ABCB1: variants seen among roughly 807,000 people sequenced by gnomAD.
The protein encoded by ABCB1 is ATP binding cassette subfamily B member 1.
Under a neutral mutation model 142.0 loss-of-function variants are expected in ABCB1, and 69 were observed. The ratio of observed to expected loss-of-function variants is 0.49; its 90% CI spans 0.40 to 0.59. The LOEUF is 0.59. ABCB1 is among the 20% of genes least tolerant of loss of function. The pLI is 0.00. For missense variants in ABCB1, 1,326 were observed against 1,554.7 expected (o/e 0.85, Z 2.47); for synonymous variants, 532 against 539.2 (o/e 0.99, Z 0.18).
intron 1 of ABCB1, among the ~76,000 whole-genome samples, chr7:87,674,060 C>T (rs868364535): frequency 1.3e-5 from 2 of 152,116 alleles, no homozygotes; most frequent in African/African-American, 4.8e-5. Flanking sequence ...TCTGGCCCCT[C>T]AAGGTTAGGA....
intron 1 of ABCB1, among the ~76,000 whole-genome samples, chr7:87,638,299 T>G (rs1439395020): frequency 6.6e-6 from 1 of 152,024 alleles, no homozygotes; most frequent in Non-Finnish European, 1.5e-5. Flanking sequence ...TCTGGTTTTG[T>G]CATTAAGATT....
At chr7:87,520,647 C>T (rs1276571885) in intron 22 of ABCB1, 129 bp downstream of exon 22, 21 of 795,996 alleles carry the variant, frequency 2.6e-5, no homozygotes, top group Non-Finnish European at 3.9e-5. Flanking sequence ...ACAACTGTTT[C>T]TCAATGGTTT....
intron 1 of ABCB1, among the ~76,000 whole-genome samples, chr7:87,625,931 G>A (rs1820406413): frequency 6.7e-6 from 1 of 149,790 alleles, no homozygotes; most frequent in African/African-American, 2.5e-5. Context: ...TAGCACATTA[G>A]TTAAGACTGA....
At chr7:87,669,646 C>A (rs961009691) in intron 1 of ABCB1, among the ~76,000 whole-genome samples, 1 of 152,284 alleles carries the variant, frequency 6.6e-6, no homozygotes, top group Middle Eastern at 3.4e-3. Context: ...CTTTCAAAAT[C>A]TCTTGTAAGG....
chr7:87,532,945 C>G (rs1165479605), intron 20 of ABCB1, among the ~76,000 whole-genome samples: 1 of 152,042 alleles, frequency 6.6e-6, no homozygotes, highest in Non-Finnish European at 1.5e-5. Context: ...ATATAAACAC[C>G]AGACTAGTAT....
intron 1 of ABCB1, chr7:87,650,806 A>T: frequency 6.6e-7 from 1 of 1,506,234 alleles, no homozygotes; most frequent in Non-Finnish European, 9.2e-7. Flanking sequence ...AAGCAACAAT[A>T]ATCTTTTTTT....
chr7:87,539,246 G>C (rs1349146960), intron 19 of ABCB1, 22 bp downstream of exon 19: 2 of 1,611,728 alleles, frequency 1.2e-6, no homozygotes, highest in East Asian at 4.5e-5. Flanking sequence ...ACATCCCAGG[G>C]CACAGCCCTC....
chr7:87,627,350 G>A (rs1820727465), intron 1 of ABCB1, among the ~76,000 whole-genome samples: 1 of 152,186 alleles, frequency 6.6e-6, no homozygotes, highest in Admixed American at 6.5e-5. Context: ...AAAAGTAGAG[G>A]TGAAAGATAC....
At chr7:87,651,514 A>T (rs1021354041) in intron 1 of ABCB1, among the ~76,000 whole-genome samples, 3 of 152,150 alleles carry the variant, frequency 2.0e-5, no homozygotes, top group Non-Finnish European at 2.9e-5. Context: ...GCTAAAATTC[A>T]AGAAGTATTA....
intron 1 of ABCB1, among the ~76,000 whole-genome samples, chr7:87,613,180 G>A (rs562035716): frequency 2.0e-5 from 3 of 150,492 alleles, no homozygotes; most frequent in Non-Finnish European, 4.4e-5. Flanking sequence ...GGAGGCTTTA[G>A]GGTTTTCTAG....
intron 1 of ABCB1, among the ~76,000 whole-genome samples, chr7:87,612,125 T>C (rs1048466412): frequency 5.9e-5 from 9 of 152,062 alleles, no homozygotes; most frequent in African/African-American, 1.7e-4. Flanking sequence ...GTGGCAGGAC[T>C]GATTTGTCTG....
chr7:87,544,017 G>T (rs1816658751), intron 17 of ABCB1, 112 bp downstream of exon 17: 4 of 1,279,272 alleles, frequency 3.1e-6, no homozygotes, highest in Non-Finnish European at 4.5e-6. Context: ...GTTTCATATG[G>T]AGATACGTGG....
chr7:87,542,931 C>T (rs1816604131), intron 17 of ABCB1, among the ~76,000 whole-genome samples: 1 of 152,150 alleles, frequency 6.6e-6, no homozygotes, highest in Non-Finnish European at 1.5e-5. Flanking sequence ...CTGACTCCTG[C>T]CCTGGACCAT....
chr7:87,670,648 T>C lies in ABCB1; in HGVS notation c.-331+42513A>G, dbSNP rs71562763. Among the ~76,000 whole-genome samples, 1,121 of 152,358 alleles carry C rather than the reference T, an allele frequency of 7.4e-3. 7 individuals carry two copies. Among genetic ancestry groups the C allele is most frequent in the Middle Eastern group, 0.017 (5 of 294 alleles). ...TGTAGATTAAGTATAGTCAACAGAC[T>C]TCTCTTTTGGATGTTTTCACCAGGC... On this transcript the variant is annotated intron_variant, in intron 1 of 28. Transcript: ENST00000265724.
At chr7:87,687,556 C>A (rs1053794802) in intron 1 of ABCB1, among the ~76,000 whole-genome samples, 1 of 152,144 alleles carries the variant, frequency 6.6e-6, no homozygotes, top group African/African-American at 2.4e-5. Flanking sequence ...CTAAGATCTT[C>A]ATCTGTTTTG....
chr7:87,707,320 A>T (rs531432736), intron 1 of ABCB1, among the ~76,000 whole-genome samples: 1 of 152,292 alleles, frequency 6.6e-6, no homozygotes, highest in East Asian at 1.9e-4. Context: ...GTTCAAGAAA[A>T]TGGAAATAAA....
intron 1 of ABCB1, among the ~76,000 whole-genome samples, chr7:87,708,105 T>C (rs1829768721): frequency 6.6e-6 from 1 of 151,742 alleles, no homozygotes; most frequent in African/African-American, 2.4e-5. Flanking sequence ...CAAGAAGCTA[T>C]GAAAAAAGAA....
At chr7:87,546,060 A>G in intron 14 of ABCB1, 36 bp from the exon 15 acceptor site, 2 of 1,604,576 alleles carry the variant, frequency 1.2e-6, no homozygotes, top group South Asian at 1.1e-5. Flanking sequence ...GAATACATTA[A>G]CAATTACCTG....
intron 1 of ABCB1, among the ~76,000 whole-genome samples, chr7:87,684,362 G>A (rs961094730): frequency 6.6e-6 from 1 of 152,106 alleles, no homozygotes. Context: ...AAAGTAACTG[G>A]AATAGGCAAA....
Sources: allele counts gnomAD v4.1 joint callset (sites outside exome capture counted in the v4.1 genomes callset), GRCh38; gene constraint gnomAD v4.1.1; transcripts MANE v1.5; gene names NCBI Gene and HGNC (gene_info 2026-07-23, HGNC 2026-07-21).